PIGL: variants seen among roughly 807,000 people sequenced by gnomAD.
PIGL encodes N-acetylglucosaminyl-phosphatidylinositol de-N-acetylase.
PIGL carries 22 observed loss-of-function variants against 31.1 expected under a neutral mutation model. That is an observed-to-expected ratio of 0.71 (90% confidence interval 0.51 to 1.01). The LOEUF (loss-of-function observed/expected upper bound fraction) is 1.01. PIGL is among the 50% of genes least tolerant of loss of function. The pLI, the probability that PIGL is intolerant of heterozygous loss-of-function variation, is 0.00. For synonymous variants in PIGL, 131 were observed against 117.4 expected, an observed-to-expected ratio of 1.12 and a Z score of -0.75; for missense variants, 302 against 315.9, an observed-to-expected ratio of 0.96 and a Z score of 0.33.
chr17:16,307,642 G>T (rs1393841561), intron 3 of PIGL, among the ~76,000 whole-genome samples: 4 of 151,994 alleles, frequency 2.6e-5, no homozygotes, highest in Non-Finnish European at 5.9e-5. Flanking sequence ...AATGTCATTA[G>T]CTGTTATTAC....
intron 3 of PIGL, among the ~76,000 whole-genome samples, chr17:16,305,459 A>G (rs1222930178): frequency 6.6e-6 from 1 of 152,226 alleles, no homozygotes; most frequent in Non-Finnish European, 1.5e-5. Flanking sequence ...TTAGGAAAAA[A>G]TAAAAGTGGA....
At chr17:16,254,325 A>G (rs780924716) in intron 2 of PIGL, among the ~76,000 whole-genome samples, 1 of 151,822 alleles carries the variant, frequency 6.6e-6, no homozygotes, top group Non-Finnish European at 1.5e-5. Context: ...CTAGAGTGCA[A>G]TGGCGTGATC....
intron 2 of PIGL, among the ~76,000 whole-genome samples, chr17:16,246,717 C>T (rs1363959205): frequency 4.4e-5 from 4 of 90,578 alleles, no homozygotes; most frequent in Non-Finnish European, 6.4e-5. Flanking sequence ...CTCGCTCTGT[C>T]GCCCAGGCCG....
chr17:16,217,777 T>C (rs1001513800), intron 1 of PIGL: 2 of 320,272 alleles, frequency 6.2e-6, no homozygotes, highest in Non-Finnish European at 1.2e-5. Context: ...TTTTTTTTAT[T>C]TGTAGAAGGA....
At chr17:16,322,331 G>A (rs546559569) in intron 6 of PIGL, among the ~76,000 whole-genome samples, 138 of 152,102 alleles carry the variant, frequency 9.1e-4, no homozygotes, top group Non-Finnish European at 1.8e-3. Flanking sequence ...CTGGCCTCAA[G>A]TGATCCACCC....
intron 2 of PIGL, among the ~76,000 whole-genome samples, chr17:16,237,326 T>G (rs938092558): frequency 9.2e-5 from 14 of 151,892 alleles, no homozygotes; most frequent in African/African-American, 3.4e-4. Context: ...CAGGCTGGTC[T>G]TGAACTTTTG....
At chr17:16,298,873 C>T (rs192837906) in intron 2 of PIGL, among the ~76,000 whole-genome samples, 65 of 152,004 alleles carry the variant, frequency 4.3e-4, no homozygotes, top group African/African-American at 1.5e-3. Flanking sequence ...ACTAAAAATA[C>T]AAAAATTAGC....
At chr17:16,304,390 C>T (rs2093017978) in intron 3 of PIGL, among the ~76,000 whole-genome samples, 1 of 152,168 alleles carries the variant, frequency 6.6e-6, no homozygotes, top group South Asian at 2.1e-4. Context: ...TGGGTTCTGT[C>T]TGGTCCCAGC....
At chr17:16,308,771 A>T (rs139258650) in intron 3 of PIGL, among the ~76,000 whole-genome samples, 29 of 150,432 alleles carry the variant, frequency 1.9e-4, no homozygotes, top group African/African-American at 5.1e-4. Flanking sequence ...ACACTAATTT[A>T]AAAAAGCCAC....
chr17:16,258,231 G>A (rs1473546080), intron 2 of PIGL, among the ~76,000 whole-genome samples: 1 of 144,060 alleles, frequency 6.9e-6, no homozygotes, highest in African/African-American at 2.5e-5. Flanking sequence ...CCAGGCTGGA[G>A]TGCAGTGGCG....
chr17:16,228,154 C>A (rs1230505207), intron 1 of PIGL, among the ~76,000 whole-genome samples: 1 of 149,610 alleles, frequency 6.7e-6, no homozygotes, highest in African/African-American at 2.5e-5. Flanking sequence ...CAGGTTCAAG[C>A]AATTCTCCTA....
intron 2 of PIGL, among the ~76,000 whole-genome samples, chr17:16,298,730 TA>T (rs1286878931): frequency 4.6e-5 from 7 of 152,178 alleles, no homozygotes; most frequent in African/African-American, 1.7e-4. Context: ...ACTTCATCGG[TA>T]AAGGCTCTGT....
At chr17:16,258,615 T>A (rs1019038557) in intron 2 of PIGL, among the ~76,000 whole-genome samples, 1 of 152,136 alleles carries the variant, frequency 6.6e-6, no homozygotes, top group African/African-American at 2.4e-5. Context: ...GCGATTCTCC[T>A]GCCTCAGCCT....
In PIGL at chr17:16,291,521, A is replaced by AGAAAG. The variant is rs1555860363; in HGVS notation, c.336-8367_336-8366insGAAAG. On this transcript the variant is annotated intron_variant, in intron 2 of 6. Coordinates refer to ENST00000225609, the MANE Select transcript of PIGL (RefSeq NM_004278.4). ...GACTCTGGCTCAAAAAAAAAAAAAAAAAAGAAAGAAAGAAATTATATGGAT... is the reference window on the plus strand; with the variant it reads ...GACTCTGGCTCAAAAAAAAAAAAAAAGAAAGAAAGAAAGAAAGAAATTATATGGAT... Among the ~76,000 whole-genome samples, 8 of 140,222 alleles carry AGAAAG rather than the reference A, an allele frequency of 5.7e-5. No homozygotes were observed. In the East Asian group the frequency reaches 8.7e-4, roughly 15 times the overall value. The allele number at this position is 140,222 out of a possible 152,430, so 92.0% of individuals were successfully genotyped here. A position where few individuals can be genotyped will look rare whatever the true frequency, so the allele number is the denominator to read the frequency against.
At chr17:16,318,024 A>C in intron 6 of PIGL, 116 bp downstream of exon 6, 1 of 828,574 alleles carries the variant, frequency 1.2e-6, no homozygotes, top group Non-Finnish European at 2.0e-6. Flanking sequence ...GTGGTTCAGC[A>C]CCTGTCCCTG....
intron 3 of PIGL, among the ~76,000 whole-genome samples, chr17:16,309,324 A>G (rs977579763): frequency 4.6e-5 from 7 of 152,222 alleles, no homozygotes; most frequent in Non-Finnish European, 1.0e-4. Flanking sequence ...GTCTTCTTCT[A>G]GGGACCTAAA....
At chr17:16,234,125 T>G in intron 2 of PIGL, 55 bp downstream of exon 2, 2 of 993,458 alleles carry the variant, frequency 2.0e-6, no homozygotes, top group Non-Finnish European at 3.2e-6. Flanking sequence ...TGCAGTGATA[T>G]ACTCAAAAGA....
intron 1 of PIGL, 185 bp downstream of exon 1, chr17:16,217,646 A>ACAGCAT: frequency 3.9e-6 from 2 of 511,608 alleles, no homozygotes; most frequent in Admixed American, 3.6e-5. Context: ...GGGTTGGGGG[A>ACAGCAT]CGTCGGCAGC....
chr17:16,271,080 C>T (rs907894364), intron 2 of PIGL, among the ~76,000 whole-genome samples: 2 of 152,056 alleles, frequency 1.3e-5, no homozygotes, highest in African/African-American at 4.8e-5. Context: ...TGAATAAAGT[C>T]TATTAAAATT....
Sources: allele counts gnomAD v4.1 joint callset (sites outside exome capture counted in the v4.1 genomes callset), GRCh38; gene constraint gnomAD v4.1.1; transcripts MANE v1.5; gene names NCBI Gene and HGNC (gene_info 2026-07-23, HGNC 2026-07-21).